CTNNA3: variants seen among roughly 807,000 people sequenced by gnomAD.
CTNNA3 encodes catenin alpha 3.
Under a neutral mutation model 95.7 loss-of-function variants are expected in CTNNA3, and 76 were observed. The ratio of observed to expected loss-of-function variants is 0.79; its 90% confidence interval spans 0.66 to 0.96. The LOEUF is 0.96. Ranked by LOEUF, CTNNA3 falls within the 40% of genes least tolerant of loss-of-function variation. The pLI is 0.00. For synonymous variants in CTNNA3, 431 were observed against 374.4 expected (o/e 1.15, Z -1.74); for missense variants, 1,191 against 1,089.8 (o/e 1.09, Z -1.31).
chr10:66,251,681 T>C (rs1214864831), intron 13 of CTNNA3, among the ~76,000 whole-genome samples: 1 of 152,212 alleles, frequency 6.6e-6, no homozygotes, highest in Admixed American at 6.5e-5. Flanking sequence ...TGGTATTTCA[T>C]TATATCAAAA....
At chr10:67,235,239 C>T (rs1865399524) in intron 5 of CTNNA3, among the ~76,000 whole-genome samples, 1 of 151,420 alleles carries the variant, frequency 6.6e-6, no homozygotes, top group Admixed American at 6.6e-5. Context: ...AAGCTGGAGG[C>T]ATCACACTAC....
chr10:66,415,173 T>G (rs1239378276), intron 11 of CTNNA3, among the ~76,000 whole-genome samples: 1 of 152,104 alleles, frequency 6.6e-6, no homozygotes, highest in Admixed American at 6.5e-5. Flanking sequence ...GTACATGCCA[T>G]CTGGGGGCCT....
chr10:67,006,429 A>C (rs1281042493), intron 7 of CTNNA3, among the ~76,000 whole-genome samples: 1 of 151,810 alleles, frequency 6.6e-6, no homozygotes, highest in African/African-American at 2.4e-5. Context: ...TGTATATACT[A>C]CTCTACATCT....
At chr10:65,924,301 G>A (rs2077133173) in intron 17 of CTNNA3, among the ~76,000 whole-genome samples, 1 of 152,004 alleles carries the variant, frequency 6.6e-6, no homozygotes, top group Middle Eastern at 3.2e-3. Flanking sequence ...ACTGAGATCT[G>A]CCCTCTCCAT....
chr10:66,859,837 T>TA (rs1242016178), intron 7 of CTNNA3, among the ~76,000 whole-genome samples: 24 of 129,036 alleles, frequency 1.9e-4, no homozygotes, highest in African/African-American at 6.9e-4. Context: ...TATGCAGCCA[T>TA]AAAAAATGAT....
At chr10:66,285,305 A>G (rs144367017) in intron 12 of CTNNA3, among the ~76,000 whole-genome samples, 15 of 152,060 alleles carry the variant, frequency 9.9e-5, no homozygotes, top group African/African-American at 3.4e-4. Flanking sequence ...TAGGTTTTCT[A>G]CATATGAAAC....
At chr10:66,953,477 T>C (rs763019048) in intron 7 of CTNNA3, among the ~76,000 whole-genome samples, 2 of 152,174 alleles carry the variant, frequency 1.3e-5, no homozygotes, top group Non-Finnish European at 2.9e-5. Flanking sequence ...TTTTCTGTAC[T>C]TTCCCAACAA....
chr10:66,396,068 A>C (rs2092974125), intron 11 of CTNNA3, among the ~76,000 whole-genome samples: 1 of 152,008 alleles, frequency 6.6e-6, no homozygotes, highest in Non-Finnish European at 1.5e-5. Flanking sequence ...TATTTCACTT[A>C]GATTAATGCC....
At chr10:65,996,961 C>G (rs371048765) in intron 15 of CTNNA3, among the ~76,000 whole-genome samples, 5 of 152,276 alleles carry the variant, frequency 3.3e-5, no homozygotes, top group East Asian at 3.9e-4. Context: ...AGTCAGCCAT[C>G]TTGGAGTCCT....
chr10:65,954,851 A>G (rs2077696738), intron 17 of CTNNA3, among the ~76,000 whole-genome samples: 1 of 152,010 alleles, frequency 6.6e-6, no homozygotes, highest in Non-Finnish European at 1.5e-5. Flanking sequence ...TTGGCTTAGG[A>G]TTTTCATGGC....
chr10:66,300,303 AG>A (rs1197215851), intron 12 of CTNNA3, among the ~76,000 whole-genome samples: 3 of 152,164 alleles, frequency 2.0e-5, no homozygotes, highest in East Asian at 3.8e-4. Context: ...TACACTTGCA[AG>A]GCATGAAAAT....
intron 17 of CTNNA3, among the ~76,000 whole-genome samples, chr10:65,951,955 G>A (rs941905466): frequency 3.3e-5 from 5 of 151,308 alleles, no homozygotes; most frequent in African/African-American, 1.2e-4. Flanking sequence ...GCATGAACCC[G>A]GGAGGCGGAG....
rs994564005 is a variant in CTNNA3, at chr10:66,931,702, A to G, written c.1048-156178T>C. Among the ~76,000 whole-genome samples the G allele has an allele frequency of 2.0e-5, 3 of 152,132 alleles. No homozygotes were observed. The East Asian group carries it at 5.8e-4, about 29-fold the overall frequency. ...CATTTCCTTGGGAAATATAATTATA[A>G]TGTAATTTTTGAATGTTATACTTTT... On this transcript the variant is annotated intron_variant, in intron 7 of 17. Coordinates refer to ENST00000433211, the MANE Select transcript of CTNNA3 (RefSeq NM_013266.4).
chr10:66,211,705 G>A (rs542581251), intron 13 of CTNNA3, among the ~76,000 whole-genome samples: 3 of 152,234 alleles, frequency 2.0e-5, no homozygotes, highest in East Asian at 3.9e-4. Flanking sequence ...GGCCCAAGAG[G>A]GCAACATGCC....
chr10:67,278,614 G>C, intron 5 of CTNNA3, among the ~76,000 whole-genome samples: 1 of 152,136 alleles, frequency 6.6e-6, no homozygotes, highest in East Asian at 1.9e-4. Flanking sequence ...TTCAGAGAGA[G>C]AGCAGATTGT....
At chr10:66,547,499 C>T (rs967586754) in intron 10 of CTNNA3, among the ~76,000 whole-genome samples, 9 of 151,014 alleles carry the variant, frequency 6.0e-5, no homozygotes, top group Admixed American at 1.3e-4. Context: ...CCCGCCACCA[C>T]GCCCAGTTAA....
intron 10 of CTNNA3, among the ~76,000 whole-genome samples, chr10:66,604,428 C>T (rs1422220116): frequency 6.6e-6 from 1 of 152,134 alleles, no homozygotes; most frequent in Non-Finnish European, 1.5e-5. Flanking sequence ...CCATTAGCAC[C>T]CTGCTGCAGC....
chr10:67,006,691 A>C (rs1335211017), intron 7 of CTNNA3, among the ~76,000 whole-genome samples: 1 of 152,216 alleles, frequency 6.6e-6, no homozygotes, highest in African/African-American at 2.4e-5. Flanking sequence ...GCACACTATA[A>C]GATGTAAACA....
intron 7 of CTNNA3, among the ~76,000 whole-genome samples, chr10:66,967,198 C>T (rs191186997): frequency 5.5e-4 from 83 of 152,046 alleles, no homozygotes; most frequent in South Asian, 1.9e-3. Flanking sequence ...AGCACATACA[C>T]GCATACATTA....
Sources: gnomAD v4.1 joint callset for allele counts (sites outside exome capture counted in the v4.1 genomes callset) on GRCh38, gnomAD v4.1.1 for gene constraint, MANE v1.5 for transcripts, NCBI Gene and HGNC (gene_info 2026-07-23, HGNC 2026-07-21) for gene names.